The following B4GALT5 variants were observed in gnomAD, a reference collection of about 807,000 sequenced individuals.
The protein encoded by B4GALT5 is UDP-Gal:beta-GlcNAc beta-1,4-galactosyltransferase 5.
Under a neutral mutation model 45.0 loss-of-function variants are expected in B4GALT5, and 11 were observed. The observed-to-expected ratio is 0.24, with a 90% CI of 0.15 to 0.40. The LOEUF is 0.40. Ranked by LOEUF, B4GALT5 falls within the 10% of genes least tolerant of loss-of-function variation. B4GALT5 has a pLI of 1.00. For synonymous variants in B4GALT5, 185 were observed against 182.9 expected (o/e 1.01, Z -0.09); for missense variants, 337 against 500.2 (o/e 0.67, Z 3.11).
At chr20:49,648,098 A>G (rs754209462) in intron 2 of B4GALT5, among the ~76,000 whole-genome samples, 9 of 151,962 alleles carry the variant, frequency 5.9e-5, no homozygotes, top group Non-Finnish European at 1.2e-4. Flanking sequence ...ATTTCTTACT[A>G]TATTCTTGTT....
chr20:49,710,757 CA>C (rs1181994172), intron 1 of B4GALT5, among the ~76,000 whole-genome samples: 1 of 151,998 alleles, frequency 6.6e-6, no homozygotes, highest in Admixed American at 6.6e-5. Flanking sequence ...AATAACTATT[CA>C]AATAAGGTCT....
At chr20:49,708,749 C>T (rs1469484516) in intron 1 of B4GALT5, among the ~76,000 whole-genome samples, 1 of 152,040 alleles carries the variant, frequency 6.6e-6, no homozygotes, top group Admixed American at 6.6e-5. Flanking sequence ...AGTTCAAGAC[C>T]AGCCTGACCA....
intron 1 of B4GALT5, among the ~76,000 whole-genome samples, chr20:49,681,975 A>T (rs1445399216): frequency 6.6e-6 from 1 of 152,216 alleles, no homozygotes; most frequent in Non-Finnish European, 1.5e-5. Context: ...TTGCGCCTGT[A>T]GTCCCAGGTC....
At chr20:49,646,861 A>AG (rs1345317378) in intron 3 of B4GALT5, 104 bp downstream of exon 3, 2 of 671,332 alleles carry the variant, frequency 3.0e-6, no homozygotes, top group Admixed American at 2.9e-5. Flanking sequence ...TTCCAATGGC[A>AG]GGGAGGTATT....
intron 1 of B4GALT5, among the ~76,000 whole-genome samples, chr20:49,701,964 C>G (rs371722206): frequency 2.0e-5 from 3 of 152,056 alleles, no homozygotes; most frequent in African/African-American, 7.2e-5. Context: ...ACTCAGGAGG[C>G]GGAGACAGGA....
chr20:49,700,225 T>A (rs2085856042), intron 1 of B4GALT5, among the ~76,000 whole-genome samples: 1 of 152,230 alleles, frequency 6.6e-6, no homozygotes, highest in African/African-American at 2.4e-5. Context: ...CTCAGATACT[T>A]TTTGGTTTGC....
chr20:49,704,486 G>A (rs534366269), intron 1 of B4GALT5, among the ~76,000 whole-genome samples: 33 of 152,112 alleles, frequency 2.2e-4, no homozygotes, highest in African/African-American at 7.2e-4. Flanking sequence ...TTGGGAGGCC[G>A]AGGTGGGCGG....
intron 3 of B4GALT5, among the ~76,000 whole-genome samples, chr20:49,645,479 T>C (rs2085595055): frequency 6.6e-6 from 1 of 152,212 alleles, no homozygotes; most frequent in Admixed American, 6.5e-5. Context: ...CTGGGAGCAG[T>C]GGCTCACACC....
At chr20:49,677,866 C>T (rs1369331386) in intron 1 of B4GALT5, among the ~76,000 whole-genome samples, 4 of 152,324 alleles carry the variant, frequency 2.6e-5, no homozygotes, top group Non-Finnish European at 5.9e-5. Context: ...CTGCCTCAGC[C>T]TCCTGAGTAG....
rs540388328 is a variant in B4GALT5 at position 49,674,370 on chromosome 20, G to A, written c.116-17668C>T. Among the ~76,000 whole-genome samples the A allele has an allele frequency of 7.2e-5, 11 of 152,160 alleles. No homozygotes were observed. The South Asian group carries it at 1.0e-3, about 14-fold the overall frequency. Reference sequence around the variant, plus strand: ...TGTTACAGAGGGAATAAAGACCCTAGCAATGTTCACATAAGAAGTTAAAGC... The same window carrying A: ...TGTTACAGAGGGAATAAAGACCCTAACAATGTTCACATAAGAAGTTAAAGC... On this transcript the variant is annotated intron_variant, in intron 1 of 8. Coordinates refer to ENST00000371711, the MANE Select transcript of B4GALT5 (RefSeq NM_004776.4).
At chr20:49,656,174 T>A (rs968434403) in intron 2 of B4GALT5, among the ~76,000 whole-genome samples, 2 of 152,080 alleles carry the variant, frequency 1.3e-5, no homozygotes, top group Admixed American at 6.6e-5. Context: ...CCTGCCCTCC[T>A]CTCACCTGCC....
chr20:49,667,310 C>T (rs1233378174), intron 1 of B4GALT5, among the ~76,000 whole-genome samples: 1 of 150,940 alleles, frequency 6.6e-6, no homozygotes. Flanking sequence ...AGTGCAGTGG[C>T]GCGATCTCAG....
chr20:49,641,825 G>A (rs2085578046), intron 5 of B4GALT5, among the ~76,000 whole-genome samples: 1 of 152,040 alleles, frequency 6.6e-6, no homozygotes, highest in Non-Finnish European at 1.5e-5. Context: ...ACTTCAAAAT[G>A]CCTACAGAAG....
Position 49,680,788 on chromosome 20 carries a change from CT to C in B4GALT5, c.116-24087del, listed in dbSNP as rs910315619. Among the ~76,000 whole-genome samples the C allele has an allele frequency of 7.9e-4, 118 of 148,488 alleles. 1 individual carries two copies. The highest frequency in any genetic ancestry group is 2.6e-3 in the African/African-American group (106 of 40,562). ...TATACTTCAAATGATTTAAATGGTACTTTTTTTTTTCCGTAAAGTGAAAGCA... is the reference window on the plus strand; with the variant it reads ...TATACTTCAAATGATTTAAATGGTACTTTTTTTTTCCGTAAAGTGAAAGCA... On this transcript the variant is annotated intron_variant, in intron 1 of 8. Transcript: ENST00000371711.
intron 1 of B4GALT5, among the ~76,000 whole-genome samples, chr20:49,665,042 T>G (rs1205269171): frequency 6.6e-6 from 1 of 152,220 alleles, no homozygotes; most frequent in Admixed American, 6.5e-5. Flanking sequence ...ACTGTTCTGC[T>G]GGACTTCAAG....
chr20:49,642,639 TAGC>T, intron 4 of B4GALT5, 55 bp from the exon 5 acceptor site: 1 of 1,258,294 alleles, frequency 7.9e-7, no homozygotes, highest in Non-Finnish European at 1.1e-6. Context: ...TTTCACTCCT[TAGC>T]AGGACACCCC....
chr20:49,636,956 A>G (rs1272355742), intron 8 of B4GALT5, among the ~76,000 whole-genome samples: 1 of 152,002 alleles, frequency 6.6e-6, no homozygotes, highest in African/African-American at 2.4e-5. Context: ...AAGGTAACAC[A>G]GCAACTGCAG....
chr20:49,713,518 T>G, intron 1 of B4GALT5, 58 bp downstream of exon 1: 1 of 1,510,910 alleles, frequency 6.6e-7, no homozygotes, highest in Non-Finnish European at 8.9e-7. Context: ...GGGCGGGGAT[T>G]CCCCGGGTCC....
chr20:49,643,006 T>C (rs150832104), intron 4 of B4GALT5, among the ~76,000 whole-genome samples: 1 of 152,268 alleles, frequency 6.6e-6, no homozygotes, highest in African/African-American at 2.4e-5. Context: ...ATCTGCTGCA[T>C]CAGCAGCACT....
Sources: allele counts gnomAD v4.1 joint callset (sites outside exome capture counted in the v4.1 genomes callset), GRCh38; gene constraint gnomAD v4.1.1; transcripts MANE v1.5; gene names NCBI Gene and HGNC (gene_info 2026-07-23, HGNC 2026-07-21).